Variants in NKTR observed in about 807,000 individuals in gnomAD.
NKTR encodes the protein NK-tumor recognition protein.
In NKTR, 67 loss-of-function variants were observed where a neutral mutation model predicts 156.3. The observed-to-expected ratio is 0.43, with a 90% CI of 0.35 to 0.53. NKTR has a LOEUF of 0.53. Ranked by LOEUF, NKTR falls within the 20% of genes least tolerant of loss-of-function variation. The pLI is 0.01. For synonymous variants in NKTR, 640 were observed against 596.6 expected (o/e 1.07, Z -1.06); for missense variants, 1,604 against 1,730.9 (o/e 0.93, Z 1.30).
Position 42,637,464 on chromosome 3 carries a change from C to G in NKTR, c.1760C>G (p.Ala587Gly). 1 of 1,613,202 alleles carries G rather than the reference C, an allele frequency of 6.2e-7. No individual in the cohort carries two copies. The highest frequency in any genetic ancestry group is 8.5e-7 in the Non-Finnish European group (1 of 1,179,754). Residue 587 changes from alanine to glycine, a missense_variant, in exon 13 of 17, where the codon GCA becomes GGA. Ala to Gly is a moderately conservative substitution (Grantham distance 60). Coordinates refer to ENST00000232978, the MANE Select transcript of NKTR (RefSeq NM_005385.4). ...CCAGTTAAAACAGAACCTTTAAGAG[C>G]AACCATGGCACAAAATGAAAATGTA... Reference protein sequence around the residue: ...NKPVKTEPLRATMAQNENVVV... With the variant: ...NKPVKTEPLRGTMAQNENVVV...
At chr3:42,615,874 T>A (rs573359163) in intron 2 of NKTR, among the ~76,000 whole-genome samples, 239 of 152,288 alleles carry the variant, frequency 1.6e-3, no homozygotes, top group African/African-American at 2.0e-3. Flanking sequence ...GGTTTTTTTT[T>A]AATTCTGAAA....
chr3:42,639,205 A>G lies in NKTR; in HGVS notation c.3501A>G (p.Ala1167=). Residue 1167 remains alanine (A), a synonymous_variant, in exon 13 of 17, where the codon GCA becomes GCG. Coordinates refer to ENST00000232978, the MANE Select transcript of NKTR (RefSeq NM_005385.4). The stretch of plus-strand genomic sequence containing the variant: ...ACATTGTTTTGAAGCAGGATATGGC[A>G]ACGGAACATCCTCAAGCAGAGGTAG... ...DINIVLKQDM[A]TEHPQAEVVK... 2 of 1,614,180 alleles carry G rather than the reference A, an allele frequency of 1.2e-6. No homozygotes were observed. Among genetic ancestry groups the G allele is most frequent in the Non-Finnish European group, 1.7e-6 (2 of 1,180,036 alleles).
Position 42,619,434 on chromosome 3 carries a change from C to T in NKTR, c.242-230C>T. ...TTCTGGAATGTTTTTGGTGTTATTA[C>T]TGTTTGAAATAAGTAGGTTGTGAAG... is the stretch of plus-strand genomic sequence containing the variant. On this transcript the variant is annotated intron_variant, in intron 4 of 16. Coordinates refer to ENST00000232978, the MANE Select transcript of NKTR (RefSeq NM_005385.4). 2.2e-6 allele frequency: 3 copies of T among 1,348,554 alleles called. No individual in the cohort carries two copies. In the Middle Eastern group the frequency reaches 8.1e-4, roughly 366 times the overall value. 83.5% of individuals were successfully genotyped at this position (1,348,554 alleles called of 1,614,324 possible).
intron 2 of NKTR, among the ~76,000 whole-genome samples, chr3:42,612,816 A>G (rs548634815): frequency 4.6e-5 from 7 of 152,238 alleles, no homozygotes; most frequent in Non-Finnish European, 8.8e-5. Context: ...ATATGATTCT[A>G]CTGCCTGGAT....
chr3:42,612,140 A>G (rs1706887405), intron 2 of NKTR: 1 of 152,242 alleles, frequency 6.6e-6, no homozygotes, highest in Non-Finnish European at 1.5e-5. Context: ...CACAGGCATG[A>G]GAAAAGTTCA....
chr3:42,628,041 C>A, intron 6 of NKTR: 1 of 985,360 alleles, frequency 1.0e-6, no homozygotes, highest in Admixed American at 6.1e-5. Context: ...ACGTATTAGC[C>A]AAGTGCCAGT....
chr3:42,643,613 G>A lies in NKTR; in HGVS notation c.4199+218G>A, dbSNP rs1328385260. 2.4e-5 allele frequency: 15 copies of A among 625,092 alleles called. No homozygotes were observed. The East Asian group carries it at 3.0e-4, about 13-fold the overall frequency. The allele number at this position is 625,092 out of a possible 1,614,324, so 38.7% of individuals were successfully genotyped here. ...ACAATATCAAATTGTAATGGCAGGT[G>A]TTTATTGAATATAATTGCCTACAGA... is the stretch of plus-strand genomic sequence containing the variant. On this transcript the variant is annotated intron_variant, in intron 15 of 16. Coordinates refer to ENST00000232978, the MANE Select transcript of NKTR (RefSeq NM_005385.4).
intron 15 of NKTR, 91 bp from the exon 16 acceptor site, chr3:42,643,811 A>G (rs1710121113): frequency 1.2e-6 from 1 of 867,316 alleles, no homozygotes; most frequent in Admixed American, 2.1e-5. Context: ...CCATGTTCTA[A>G]GCTAGAACAC....
rs777011246 is a variant in NKTR at position 42,643,967 on chromosome 3, G to A, written c.4265G>A (p.Ser1422Asn). The A allele has an allele frequency of 6.2e-7, 1 of 1,614,060 alleles. No homozygotes were observed. Among genetic ancestry groups the A allele is most frequent in the East Asian group, 2.2e-5 (1 of 44,880 alleles). Residue 1422 changes from serine to asparagine, a missense_variant, in exon 16 of 17, where the codon AGT becomes AAT. This residue lies in a region of NKTR where 193 missense variants were observed against 220.2 expected (regional missense o/e 0.88). Transcript: ENST00000232978. Reference sequence around the variant, plus strand: ...CGAAGTAGAAGCCAGAGAAGTGACAGTTACCACCGAGGCAGAAGTTATAAT... The same window carrying A: ...CGAAGTAGAAGCCAGAGAAGTGACAATTACCACCGAGGCAGAAGTTATAAT... ...RSRSRSQRSDSYHRGRSYNRR... is the reference protein window; with the variant it reads ...RSRSRSQRSDNYHRGRSYNRR...
intron 5 of NKTR, chr3:42,619,916 T>C: frequency 6.9e-7 from 1 of 1,451,372 alleles, no homozygotes; most frequent in African/African-American, 1.4e-5. Flanking sequence ...AGGCTAACTT[T>C]ATGGTTAAAC....
intron 7 of NKTR, 90 bp downstream of exon 7, chr3:42,630,665 G>A (rs1708812782): frequency 5.1e-6 from 8 of 1,576,712 alleles, no homozygotes; most frequent in South Asian, 1.2e-5. Flanking sequence ...TCAAGGGAGC[G>A]CTCTTGATGT....
At position 42,631,225 on chromosome 3, in the gene NKTR, T is replaced by A; in HGVS notation, c.459T>A (p.Ile153=). ...CTGGTTTTGAAGTAATCGAACAAAT[T>A]GAAAATCTGAAGACCGATGCTGCAA... ...VISGFEVIEQ[I]ENLKTDAASR... Residue 153 remains isoleucine, a synonymous_variant, in exon 8 of 17, where the codon ATT becomes ATA. Transcript: ENST00000232978. 6.2e-7 allele frequency: 1 copy of A among 1,614,118 alleles called. No homozygotes were observed. The highest frequency in any genetic ancestry group is 8.5e-7 in the Non-Finnish European group (1 of 1,180,002).
At chr3:42,627,201 AAG>A in intron 6 of NKTR, 1 of 984,008 alleles carries the variant, frequency 1.0e-6, no homozygotes, top group Non-Finnish European at 1.2e-6. Context: ...AATTTACAGA[AAG>A]AGTGTTACAC....
chr3:42,630,469 G>C, intron 6 of NKTR, 77 bp from the exon 7 acceptor site: 2 of 1,597,468 alleles, frequency 1.3e-6, no homozygotes, highest in Non-Finnish European at 1.7e-6. Context: ...TCTACATGCT[G>C]TGTTTAAACC....
At position 42,638,984 on chromosome 3, in the gene NKTR, A is replaced by G. The variant is rs746822184; in HGVS notation, c.3280A>G (p.Thr1094Ala). 2.5e-6 allele frequency: 4 copies of G among 1,613,464 alleles called. No individual in the cohort carries two copies. Among genetic ancestry groups the G allele is most frequent in the Non-Finnish European group, 3.4e-6 (4 of 1,179,768 alleles). ...KDDSKLSISP[T>A]ALNTEENVAC... ...TGATAGTAAACTCAGTATTTCTCCC[A>G]CAGCTTTAAATACTGAGGAAAATGT... The change falls in exon 13 of 17, where the codon ACA becomes GCA. Residue 1094 changes from threonine to alanine, a missense_variant. Thr to Ala is a moderately conservative substitution (Grantham distance 58, BLOSUM62 0). Around this residue, in one of 6 missense-constraint regions of NKTR, gnomAD observed 1,255 missense variants for 1,243.7 expected, o/e 1.01. Coordinates refer to ENST00000232978, the MANE Select transcript of NKTR (RefSeq NM_005385.4).
intron 13 of NKTR, among the ~76,000 whole-genome samples, chr3:42,641,903 G>A (rs1037820105): frequency 6.6e-5 from 10 of 151,526 alleles, no homozygotes; most frequent in Admixed American, 4.6e-4. Flanking sequence ...GAGCTTTGAT[G>A]TACCAGTGCC....
intron 15 of NKTR, 186 bp from the exon 16 acceptor site, chr3:42,643,716 A>T (rs1710109140): frequency 1.5e-6 from 1 of 685,836 alleles, no homozygotes; most frequent in Non-Finnish European, 2.6e-6. Context: ...TTTTCTCTTT[A>T]ATTATGGTAA....
At chr3:42,644,458 T>C (rs1289386768) in intron 16 of NKTR, among the ~76,000 whole-genome samples, 1 of 152,232 alleles carries the variant, frequency 6.6e-6, no homozygotes, top group East Asian at 1.9e-4. Context: ...TTATATGTAT[T>C]ATGTTTAACA....
chr3:42,617,724 G>T, intron 3 of NKTR, 80 bp downstream of exon 3: 1 of 675,950 alleles, frequency 1.5e-6, no homozygotes, highest in Non-Finnish European at 2.6e-6. Context: ...TTTCCTGGAA[G>T]AATAATGGAC....
Sources: allele counts gnomAD v4.1 joint callset (sites outside exome capture counted in the v4.1 genomes callset), GRCh38; gene constraint gnomAD v4.1.1; regional missense constraint gnomAD v4.1.1; transcripts MANE v1.5; gene names NCBI Gene and HGNC (gene_info 2026-07-23, HGNC 2026-07-21).